SBF2: variants seen among roughly 807,000 people sequenced by gnomAD.
SBF2 encodes myotubularin-related protein 13.
In SBF2, 112 loss-of-function variants were observed where a neutral mutation model predicts 225.2. The ratio of observed to expected loss-of-function variants is 0.50; its 90% CI spans 0.43 to 0.58. SBF2 has a LOEUF of 0.58. Among genes scored for constraint, SBF2 ranks in the 20% least tolerant of loss-of-function variants. The pLI, the probability that SBF2 is intolerant of heterozygous loss-of-function variation, is 0.00. For missense variants in SBF2, 1,996 were observed against 2,206.2 expected, an observed-to-expected ratio of 0.90 and a Z score of 1.91; for synonymous variants, 763 against 773.3, an observed-to-expected ratio of 0.99 and a Z score of 0.22.
intron 2 of SBF2, among the ~76,000 whole-genome samples, chr11:10,193,521 A>AT (rs1235976741): frequency 6.6e-6 from 1 of 151,762 alleles, no homozygotes; most frequent in Admixed American, 6.6e-5. Context: ...CGCCCGGCTA[A>AT]TTTTTGTATT....
intron 2 of SBF2, among the ~76,000 whole-genome samples, chr11:10,114,127 AAAGG>A (rs1379487904): frequency 6.6e-6 from 1 of 152,172 alleles, no homozygotes; most frequent in Non-Finnish European, 1.5e-5. Flanking sequence ...CAATTTTAAA[AAAGG>A]AATAAAAACA....
chr11:9,928,270 C>G (rs1864209052), intron 16 of SBF2, among the ~76,000 whole-genome samples: 1 of 152,092 alleles, frequency 6.6e-6, no homozygotes, highest in South Asian at 2.1e-4. Flanking sequence ...AGAAAACAAA[C>G]AACCCAATTT....
At chr11:10,212,252 T>C (rs1957967957) in intron 1 of SBF2, among the ~76,000 whole-genome samples, 1 of 152,168 alleles carries the variant, frequency 6.6e-6, no homozygotes, top group African/African-American at 2.4e-5. Context: ...TGTGAAATAA[T>C]TTCAAGTCAA....
intron 21 of SBF2, among the ~76,000 whole-genome samples, chr11:9,851,983 G>A (rs1197551834): frequency 1.3e-5 from 2 of 152,154 alleles, no homozygotes; most frequent in Non-Finnish European, 2.9e-5. Context: ...ATGTTGCCCA[G>A]GCGCTGGTCT....
At chr11:10,286,230 C>T (rs1195069176) in intron 1 of SBF2, among the ~76,000 whole-genome samples, 3 of 151,870 alleles carry the variant, frequency 2.0e-5, no homozygotes, top group African/African-American at 7.3e-5. Context: ...TGTTAATTAC[C>T]TTGACTGTGG....
chr11:9,913,479 T>C (rs61876936), intron 16 of SBF2, among the ~76,000 whole-genome samples: 6,834 of 152,164 alleles, frequency 0.045, 232 homozygotes, highest in Admixed American at 0.1. Context: ...TATAATTACT[T>C]AGAAAAAAAC....
upstream of SBF2, among the ~76,000 whole-genome samples, chr11:10,294,716 G>T (rs191903119): frequency 2.0e-5 from 3 of 152,206 alleles, no homozygotes; most frequent in African/African-American, 7.2e-5. Context: ...AGGCTTTTAC[G>T]CAATCCTCCA....
chr11:9,836,695 A>G (rs2133945676), intron 26 of SBF2, among the ~76,000 whole-genome samples: 1 of 152,292 alleles, frequency 6.6e-6, no homozygotes, highest in East Asian at 1.9e-4. Flanking sequence ...AATACTGAAT[A>G]TTCTAATCTA....
At chr11:9,897,264 T>C (rs1190411147) in intron 16 of SBF2, among the ~76,000 whole-genome samples, 2 of 151,342 alleles carry the variant, frequency 1.3e-5, no homozygotes, top group Non-Finnish European at 2.9e-5. Flanking sequence ...TGAGACAGAG[T>C]CTTGCTCTGT....
chr11:9,986,923 C>G (rs770746099), intron 13 of SBF2, among the ~76,000 whole-genome samples: 30 of 152,212 alleles, frequency 2.0e-4, no homozygotes, highest in Non-Finnish European at 3.8e-4. Context: ...CTAATTTATT[C>G]TATGAAGCCA....
At chr11:10,212,229 C>T (rs1227065830) in intron 1 of SBF2, among the ~76,000 whole-genome samples, 1 of 152,130 alleles carries the variant, frequency 6.6e-6, no homozygotes, top group Non-Finnish European at 1.5e-5. Flanking sequence ...AACCACGGTA[C>T]GAATTCATGG....
At chr11:9,972,702 C>CA (rs1946519689) in intron 13 of SBF2, among the ~76,000 whole-genome samples, 1 of 152,240 alleles carries the variant, frequency 6.6e-6, no homozygotes, top group Non-Finnish European at 1.5e-5. Context: ...AGGCTGGTCT[C>CA]AAACTTCTGA....
chr11:9,828,357 A>C, intron 28 of SBF2: 1 of 1,165,468 alleles, frequency 8.6e-7, no homozygotes, highest in East Asian at 6.2e-5. Flanking sequence ...AAGCTTTATT[A>C]GAGATAACAA....
chr11:9,983,247 C>T (rs894903694), intron 13 of SBF2, among the ~76,000 whole-genome samples: 13 of 152,264 alleles, frequency 8.5e-5, no homozygotes, highest in South Asian at 4.1e-4. Context: ...GGGGGCACAG[C>T]GGGAGAGAAA....
At chr11:10,300,267 A>T (rs1964582258) in intron 1 of SBF2, among the ~76,000 whole-genome samples, 1 of 152,192 alleles carries the variant, frequency 6.6e-6, no homozygotes, top group Non-Finnish European at 1.5e-5. Context: ...ATTGGTGATT[A>T]CTGTATGTTG....
chr11:10,299,055 C>A (rs567970651), upstream of SBF2, among the ~76,000 whole-genome samples: 1 of 152,046 alleles, frequency 6.6e-6, no homozygotes, highest in African/African-American at 2.4e-5. Flanking sequence ...AGAAAGTGTC[C>A]TGGCCAGGTG....
At chr11:10,268,802 C>T (rs11042711) in intron 1 of SBF2, among the ~76,000 whole-genome samples, 3,213 of 152,214 alleles carry the variant, frequency 0.021, 85 homozygotes, top group African/African-American at 0.063. Context: ...CAAATGTAAA[C>T]GGAAAGACCT....
chr11:9,917,425 G>A (rs1472232216), intron 16 of SBF2, among the ~76,000 whole-genome samples: 6 of 151,358 alleles, frequency 4.0e-5, no homozygotes, highest in Admixed American at 6.6e-5. Context: ...TCCGCCTCCC[G>A]AGTTCAAGCA....
At chr11:10,231,008 T>C in intron 1 of SBF2, among the ~76,000 whole-genome samples, 1 of 152,216 alleles carries the variant, frequency 6.6e-6, no homozygotes, top group Non-Finnish European at 1.5e-5. Flanking sequence ...TTTGTTCATT[T>C]CTTTTCATTC....
Sources: allele counts gnomAD v4.1 joint callset (sites outside exome capture counted in the v4.1 genomes callset), GRCh38; gene constraint gnomAD v4.1.1; transcripts MANE v1.5; gene names NCBI Gene and HGNC (gene_info 2026-07-23, HGNC 2026-07-21).